ALDH1A2: variants seen among roughly 807,000 people sequenced by gnomAD.
The protein encoded by ALDH1A2 is aldehyde dehydrogenase 1 family member A2.
Under a neutral mutation model 60.3 loss-of-function variants are expected in ALDH1A2, and 27 were observed. The ratio of observed to expected loss-of-function variants is 0.45; its 90% CI spans 0.33 to 0.62. The LOEUF is 0.62. Ranked by LOEUF, ALDH1A2 falls within the 20% of genes least tolerant of loss-of-function variation. The pLI is 0.02. For missense variants in ALDH1A2, 581 were observed against 643.8 expected (o/e 0.90, Z 1.06); for synonymous variants, 289 against 232.4 (o/e 1.24, Z -2.21).
At chr15:58,004,730 C>CATATATAT (rs33963185) in intron 4 of ALDH1A2, among the ~76,000 whole-genome samples, 6 of 140,706 alleles carry the variant, frequency 4.3e-5, no homozygotes, top group East Asian at 2.1e-4. Flanking sequence ...TATATATATA[C>CATATATAT]ATATATATAT....
chr15:58,024,898 T>C (rs917445004), intron 1 of ALDH1A2, among the ~76,000 whole-genome samples: 9 of 152,084 alleles, frequency 5.9e-5, no homozygotes, highest in African/African-American at 2.2e-4. Context: ...CTGGAAACGA[T>C]ACAAATACAT....
intron 7 of ALDH1A2, among the ~76,000 whole-genome samples, chr15:57,984,317 TC>T (rs2140479089): frequency 6.6e-6 from 1 of 152,250 alleles, no homozygotes; most frequent in South Asian, 2.1e-4. Flanking sequence ...GCTATTAATA[TC>T]CAAAATGTAA....
At chr15:58,058,056 G>C (rs1264087994) in intron 1 of ALDH1A2, 1 of 1,533,874 alleles carries the variant, frequency 6.5e-7, no homozygotes, top group Non-Finnish European at 8.7e-7. Flanking sequence ...GTCTCACACT[G>C]ATTCTTCATC....
At chr15:58,006,034 T>A (rs1446044480) in intron 4 of ALDH1A2, among the ~76,000 whole-genome samples, 2 of 151,904 alleles carry the variant, frequency 1.3e-5, no homozygotes, top group Non-Finnish European at 2.9e-5. Context: ...TTTTTTTTTT[T>A]TTATTTCAAT....
chr15:57,971,894 A>T (rs754428295), intron 7 of ALDH1A2, among the ~76,000 whole-genome samples: 2 of 151,820 alleles, frequency 1.3e-5, no homozygotes, highest in Non-Finnish European at 2.9e-5. Flanking sequence ...TGGCTAATTT[A>T]TTTTTTATTT....
rs571526184 is a variant in ALDH1A2, at chr15:57,981,220, A to G, written c.798+11485T>C. On this transcript the variant is annotated intron_variant, in intron 7 of 12. Coordinates refer to ENST00000249750, the MANE Select transcript of ALDH1A2 (RefSeq NM_003888.4). ...AGTACACTATTTTACCAAAAAAGAAAAAGGATTCATCATCATTTTATCCAA... is the reference window on the plus strand; with the variant it reads ...AGTACACTATTTTACCAAAAAAGAAGAAGGATTCATCATCATTTTATCCAA... Among the ~76,000 whole-genome samples the G allele has an allele frequency of 3.9e-5, 6 of 152,114 alleles. No individual in the cohort carries two copies. The South Asian group carries it at 8.3e-4, about 21-fold the overall frequency.
At chr15:57,963,347 CTTT>C (rs67005556) in intron 9 of ALDH1A2, among the ~76,000 whole-genome samples, 5 of 137,516 alleles carry the variant, frequency 3.6e-5, no homozygotes, top group Admixed American at 7.3e-5. Context: ...TCAGAATATT[CTTT>C]TTTTTTTTTT....
At chr15:58,000,279 G>T (rs1895219751) in intron 4 of ALDH1A2, among the ~76,000 whole-genome samples, 1 of 151,900 alleles carries the variant, frequency 6.6e-6, no homozygotes, top group South Asian at 2.1e-4. Flanking sequence ...CCCCTAGTCT[G>T]ATCTGGGGTG....
chr15:58,015,301 A>T (rs1328116639), intron 1 of ALDH1A2, among the ~76,000 whole-genome samples: 1 of 152,206 alleles, frequency 6.6e-6, no homozygotes, highest in Non-Finnish European at 1.5e-5. Flanking sequence ...ACACTTGGTA[A>T]ATATCAAATT....
intron 1 of ALDH1A2, among the ~76,000 whole-genome samples, chr15:58,037,330 G>C (rs4646579): frequency 0.46 from 69,928 of 151,334 alleles, 16,745 homozygotes; most frequent in Non-Finnish European, 0.54. Flanking sequence ...ATTTAGGAAG[G>C]ACAGTTAAAA....
At chr15:57,993,208 AT>A in intron 5 of ALDH1A2, 135 bp from the exon 6 acceptor site, 1 of 1,075,378 alleles carries the variant, frequency 9.3e-7, no homozygotes, top group East Asian at 2.6e-5. Flanking sequence ...AGATGTTTGG[AT>A]TTTCAATTAC....
At chr15:58,003,675 C>T (rs552113390) in intron 4 of ALDH1A2, among the ~76,000 whole-genome samples, 8 of 151,746 alleles carry the variant, frequency 5.3e-5, no homozygotes, top group Non-Finnish European at 1.2e-4. Flanking sequence ...GAAAACCAAG[C>T]GTTGATCCTT....
intron 7 of ALDH1A2, among the ~76,000 whole-genome samples, chr15:57,976,919 C>T (rs1187113428): frequency 1.3e-5 from 2 of 152,170 alleles, no homozygotes; most frequent in African/African-American, 2.4e-5. Context: ...TCCTCTCCAG[C>T]ATCTGTTGTT....
rs370864803 is a variant in ALDH1A2 at position 57,963,233 on chromosome 15, G to T, written c.1086+652C>A. 4.6e-5 allele frequency among the ~76,000 whole-genome samples: 7 copies of T among 152,136 alleles called. No individual in the cohort carries two copies. The East Asian group carries it at 1.2e-3, about 25-fold the overall frequency. ...GTGGCATCTGTAGGGATGTCCTAAA[G>T]TTCAGTGATTGGAAGGACTGGGACT... On this transcript the variant is annotated intron_variant, in intron 9 of 12. Transcript: ENST00000249750.
intron 1 of ALDH1A2, among the ~76,000 whole-genome samples, chr15:58,037,649 G>A (rs1289195738): frequency 1.3e-5 from 2 of 151,634 alleles, no homozygotes; most frequent in Non-Finnish European, 3.0e-5. Flanking sequence ...CCTAGATTAT[G>A]CTTTTGGTTT....
At chr15:58,002,804 G>C (rs1219510498) in intron 4 of ALDH1A2, among the ~76,000 whole-genome samples, 1 of 151,872 alleles carries the variant, frequency 6.6e-6, no homozygotes, top group Non-Finnish European at 1.5e-5. Flanking sequence ...CAAGGAGCTG[G>C]CAATTCTTTG....
chr15:58,014,504 C>T, intron 1 of ALDH1A2: 3 of 590,306 alleles, frequency 5.1e-6, no homozygotes, highest in Non-Finnish European at 9.6e-6. Context: ...TCTTACCTTT[C>T]ATGAACCTGT....
chr15:58,057,993 T>G (rs779469780), intron 1 of ALDH1A2: 1 of 1,301,930 alleles, frequency 7.7e-7, no homozygotes, highest in Non-Finnish European at 1.0e-6. Context: ...CTGTAAAACA[T>G]AGATGAGGCA....
chr15:57,963,855 AAAC>A, intron 9 of ALDH1A2, 27 bp downstream of exon 9: 1 of 1,613,190 alleles, frequency 6.2e-7, no homozygotes. Flanking sequence ...AGGATTAAGT[AAAC>A]AAAGGGAATG....
Sources: gnomAD v4.1 joint callset for allele counts (sites outside exome capture counted in the v4.1 genomes callset) on GRCh38, gnomAD v4.1.1 for gene constraint, MANE v1.5 for transcripts, NCBI Gene and HGNC (gene_info 2026-07-23, HGNC 2026-07-21) for gene names.